SGCZ: variants seen among roughly 807,000 people sequenced by gnomAD.
SGCZ encodes zeta-sarcoglycan.
SGCZ carries 40 observed loss-of-function variants against 41.3 expected under a neutral mutation model. That is an observed-to-expected ratio of 0.97 (90% confidence interval 0.75 to 1.26). The LOEUF (loss-of-function observed/expected upper bound fraction) is 1.26. Ranked by LOEUF, SGCZ falls within the 50% of genes most tolerant of loss-of-function variation. SGCZ has a pLI of 0.00. For missense variants in SGCZ, 552 were observed against 369.8 expected, an observed-to-expected ratio of 1.49 and a Z score of -4.04; for synonymous variants, 206 against 137.5, an observed-to-expected ratio of 1.50 and a Z score of -3.49.
chr8:14,462,409 A>G (rs978583148), intron 2 of SGCZ, among the ~76,000 whole-genome samples: 1 of 151,994 alleles, frequency 6.6e-6, no homozygotes, highest in Admixed American at 6.6e-5. Flanking sequence ...TGTTTAGTAC[A>G]CTCATACGGT....
intron 1 of SGCZ, among the ~76,000 whole-genome samples, chr8:14,933,331 G>A (rs1023600027): frequency 6.6e-6 from 1 of 151,882 alleles, no homozygotes; most frequent in Non-Finnish European, 1.5e-5. Context: ...AGAAAACAGG[G>A]CTCATCTAAG....
intron 1 of SGCZ, among the ~76,000 whole-genome samples, chr8:14,790,662 T>C (rs974323360): frequency 3.3e-5 from 5 of 152,110 alleles, no homozygotes; most frequent in African/African-American, 1.2e-4. Flanking sequence ...TTGATTCCAG[T>C]AGACAAACTG....
intron 2 of SGCZ, among the ~76,000 whole-genome samples, chr8:14,457,424 C>G (rs566616183): frequency 2.6e-5 from 4 of 152,172 alleles, no homozygotes; most frequent in Non-Finnish European, 5.9e-5. Flanking sequence ...CTTAGCAGAC[C>G]GGGAAAAGAG....
At chr8:14,445,709 A>C (rs777774998) in intron 2 of SGCZ, among the ~76,000 whole-genome samples, 1 of 152,140 alleles carries the variant, frequency 6.6e-6, no homozygotes, top group Non-Finnish European at 1.5e-5. Context: ...CACACCAACT[A>C]TTCATGGTCA....
intron 1 of SGCZ, among the ~76,000 whole-genome samples, chr8:14,930,661 A>C (rs936061125): frequency 3.9e-5 from 6 of 152,066 alleles, no homozygotes; most frequent in Non-Finnish European, 8.8e-5. Context: ...CAGCCATAAA[A>C]AAGGATGAGT....
chr8:14,340,884 T>G (rs1287659897), intron 2 of SGCZ, among the ~76,000 whole-genome samples: 1 of 152,138 alleles, frequency 6.6e-6, no homozygotes, highest in African/African-American at 2.4e-5. Flanking sequence ...ACTCTCCATC[T>G]TAAGAAATTT....
intron 1 of SGCZ, among the ~76,000 whole-genome samples, chr8:14,678,304 G>A (rs1412405642): frequency 6.6e-6 from 1 of 152,036 alleles, no homozygotes; most frequent in Non-Finnish European, 1.5e-5. Context: ...TTTGAAAAAG[G>A]ACAATAACCA....
intron 1 of SGCZ, among the ~76,000 whole-genome samples, chr8:15,194,661 G>T (rs570651974): frequency 6.6e-6 from 1 of 152,112 alleles, no homozygotes; most frequent in Admixed American, 6.5e-5. Flanking sequence ...GACAGAAAGG[G>T]AGAGAGATCT....
At chr8:15,232,640 T>A (rs1219680156) in intron 1 of SGCZ, among the ~76,000 whole-genome samples, 2 of 147,536 alleles carry the variant, frequency 1.4e-5, no homozygotes, top group Non-Finnish European at 3.0e-5. Context: ...TATGGGTATA[T>A]ATGTGTGTGT....
At chr8:15,218,557 C>T (rs1482767808) in intron 1 of SGCZ, among the ~76,000 whole-genome samples, 1 of 152,200 alleles carries the variant, frequency 6.6e-6, no homozygotes, top group Admixed American at 6.5e-5. Flanking sequence ...AAGACCAACA[C>T]TCTAGTCTCA....
In SGCZ at chr8:14,871,944, A is replaced by G. The variant is rs540889116; in HGVS notation, c.40-317018T>C. ...TGTGTGTATATATATGTATATGTGT[A>G]TATATATATATAGGACATATACACC... On this transcript the variant is annotated intron_variant, in intron 1 of 7. Transcript: ENST00000382080. Among the ~76,000 whole-genome samples, 17 of 150,162 alleles carry G rather than the reference A, an allele frequency of 1.1e-4. No homozygotes were observed. In the East Asian group the frequency reaches 1.4e-3, roughly 12 times the overall value.
chr8:15,085,021 T>A (rs1805898625), intron 1 of SGCZ, among the ~76,000 whole-genome samples: 1 of 152,210 alleles, frequency 6.6e-6, no homozygotes, highest in African/African-American at 2.4e-5. Flanking sequence ...AGTGACCATG[T>A]AATTTGATAG....
rs1800634598 is a variant in SGCZ at position 14,452,862 on chromosome 8, G to A, written c.234+101870C>T. 1.3e-5 allele frequency among the ~76,000 whole-genome samples: 2 copies of A among 152,076 alleles called. 1 individual carries two copies. The highest frequency in any genetic ancestry group is 1.3e-4 in the Admixed American group (2 of 15,258). ...CGCCTGTACAAATCCCAGCACCTTG[G>A]GAGGCTGAGACAGCTGGATCATTTG... On this transcript the variant is annotated intron_variant, in intron 2 of 7. Coordinates refer to ENST00000382080, the MANE Select transcript of SGCZ (RefSeq NM_139167.4).
chr8:15,005,316 T>C (rs3890614), intron 1 of SGCZ, among the ~76,000 whole-genome samples: 1 of 38,082 alleles, frequency 2.6e-5, no homozygotes, highest in Non-Finnish European at 6.8e-5. Flanking sequence ...CCTCCCCCGT[T>C]TTTTTCTTTT....
intron 1 of SGCZ, among the ~76,000 whole-genome samples, chr8:14,670,575 A>G (rs1808070658): frequency 6.6e-6 from 1 of 152,206 alleles, no homozygotes; most frequent in African/African-American, 2.4e-5. Flanking sequence ...GGATATGAGC[A>G]GATCTAATCT....
intron 1 of SGCZ, among the ~76,000 whole-genome samples, chr8:14,662,718 T>C (rs527686102): frequency 1.3e-5 from 2 of 152,260 alleles, no homozygotes; most frequent in Non-Finnish European, 2.9e-5. Context: ...GGTTGCCAAT[T>C]AGATGAATTT....
rs555181747 is a variant in SGCZ at position 14,165,672 on chromosome 8, C to A, written c.425-970G>T. ...TATTAAAAGCTCTTATCAGATAGAA[C>A]CCAGCTGAGTCAGGGAAGTAGGAAT... On this transcript the variant is annotated intron_variant, in intron 4 of 7. Transcript: ENST00000382080. Among the ~76,000 whole-genome samples the A allele has an allele frequency of 2.0e-5, 3 of 152,228 alleles. No individual in the cohort carries two copies. The South Asian group carries it at 6.2e-4, about 32-fold the overall frequency.
At chr8:14,563,432 G>A (rs1367377695) in intron 1 of SGCZ, among the ~76,000 whole-genome samples, 1 of 152,144 alleles carries the variant, frequency 6.6e-6, no homozygotes, top group Non-Finnish European at 1.5e-5. Context: ...AAGTCGTTAA[G>A]GAAATGTACA....
intron 1 of SGCZ, among the ~76,000 whole-genome samples, chr8:15,220,838 A>C (rs2117183586): frequency 6.6e-6 from 1 of 152,276 alleles, no homozygotes; most frequent in Admixed American, 6.5e-5. Flanking sequence ...CAGCCATAAA[A>C]AAGGATGAGT....
Sources: allele counts gnomAD v4.1 joint callset (sites outside exome capture counted in the v4.1 genomes callset), GRCh38; gene constraint gnomAD v4.1.1; transcripts MANE v1.5; gene names NCBI Gene and HGNC (gene_info 2026-07-23, HGNC 2026-07-21).